FHIT: variants seen among roughly 807,000 people sequenced by gnomAD.
The protein encoded by FHIT is fragile histidine triad diadenosine triphosphatase, also known as bis(5'-adenosyl)-triphosphatase.
In FHIT, 19 loss-of-function variants were observed where a neutral mutation model predicts 17.9. That is an observed-to-expected ratio of 1.06 (90% CI 0.74 to 1.56). FHIT has a LOEUF of 1.56. FHIT is among the 40% of genes most tolerant of loss of function. The probability of loss-of-function intolerance (pLI) is 0.00; values close to 1 mark genes in which losing one functional copy is unlikely to be tolerated. For missense variants in FHIT, 248 were observed against 189.2 expected, an observed-to-expected ratio of 1.31 and a Z score of -1.82; for synonymous variants, 81 against 69.7, an observed-to-expected ratio of 1.16 and a Z score of -0.81.
intron 4 of FHIT, among the ~76,000 whole-genome samples, chr3:60,725,876 G>A (rs942851663): frequency 2.0e-5 from 3 of 151,994 alleles, no homozygotes; most frequent in Non-Finnish European, 2.9e-5. Context: ...CCAACACCAC[G>A]AGATAGGTAG....
chr3:61,219,610 A>G (rs1299121163), intron 1 of FHIT, among the ~76,000 whole-genome samples: 1 of 152,156 alleles, frequency 6.6e-6, no homozygotes, highest in African/African-American at 2.4e-5. Flanking sequence ...TTTGTTCTAG[A>G]GCAGACAAAC....
intron 8 of FHIT, among the ~76,000 whole-genome samples, chr3:59,910,745 G>A (rs1704831694): frequency 6.6e-6 from 1 of 152,214 alleles, no homozygotes; most frequent in Non-Finnish European, 1.5e-5. Flanking sequence ...CCATACATCA[G>A]TAGGCAGGTA....
At chr3:60,474,705 C>A (rs111610124) in intron 5 of FHIT, among the ~76,000 whole-genome samples, 5,787 of 151,800 alleles carry the variant, frequency 0.038, 358 homozygotes, top group African/African-American at 0.13. Context: ...CTCACCACAA[C>A]CTCTGCCTCC....
At chr3:60,489,804 A>G (rs1266205312) in intron 5 of FHIT, among the ~76,000 whole-genome samples, 2 of 152,000 alleles carry the variant, frequency 1.3e-5, no homozygotes, top group Admixed American at 1.3e-4. Context: ...GCCTGTTTTC[A>G]TAGCCAAAAG....
chr3:59,781,966 C>G (rs1356762373), intron 8 of FHIT, among the ~76,000 whole-genome samples: 1 of 152,158 alleles, frequency 6.6e-6, no homozygotes, highest in African/African-American at 2.4e-5. Flanking sequence ...TTGCATTTGT[C>G]TAAAATCTAG....
chr3:60,061,350 A>C (rs17061972), intron 5 of FHIT, among the ~76,000 whole-genome samples: 9,508 of 151,102 alleles, frequency 0.063, 332 homozygotes, highest in South Asian at 0.093. Context: ...TCTTTAAAAA[A>C]CTCCCTCCAG....
intron 2 of FHIT, among the ~76,000 whole-genome samples, chr3:61,085,395 C>T (rs2106791175): frequency 6.6e-6 from 1 of 152,150 alleles, no homozygotes; most frequent in South Asian, 2.1e-4. Context: ...CTATTCCTCT[C>T]CTTTAAATTT....
intron 2 of FHIT, among the ~76,000 whole-genome samples, chr3:61,073,635 C>CA (rs2106748813): frequency 6.6e-6 from 1 of 152,308 alleles, no homozygotes; most frequent in East Asian, 1.9e-4. Flanking sequence ...CGTGAGTATT[C>CA]AAGCTTTAGG....
chr3:61,102,261 T>A (rs1559983380), intron 2 of FHIT, among the ~76,000 whole-genome samples: 1 of 152,242 alleles, frequency 6.6e-6, no homozygotes, highest in South Asian at 2.1e-4. Flanking sequence ...GTTTTTAGCA[T>A]GAAGGGCTGT....
chr3:60,380,289 C>G lies in FHIT; in HGVS notation c.103+156571G>C, dbSNP rs1277810761. Among the ~76,000 whole-genome samples the G allele has an allele frequency of 2.0e-5, 3 of 152,286 alleles. No homozygotes were observed. The East Asian group carries it at 5.8e-4, about 29-fold the overall frequency. On this transcript the variant is annotated intron_variant, in intron 5 of 9. Coordinates refer to ENST00000492590, the MANE Select transcript of FHIT (RefSeq NM_002012.4). Reference sequence around the variant, plus strand: ...GTTTAAAGAAGCTTGTCCCTTGTCACTCTCACTGCCTCTTGCCATGGGATC... The same window carrying G: ...GTTTAAAGAAGCTTGTCCCTTGTCAGTCTCACTGCCTCTTGCCATGGGATC...
At chr3:60,131,194 T>C (rs1217570465) in intron 5 of FHIT, among the ~76,000 whole-genome samples, 2 of 151,686 alleles carry the variant, frequency 1.3e-5, no homozygotes, top group Non-Finnish European at 2.9e-5. Context: ...AATGGTATAG[T>C]ATTTGCATAT....
At chr3:59,759,151 C>A (rs1460290142) in intron 8 of FHIT, among the ~76,000 whole-genome samples, 5 of 151,680 alleles carry the variant, frequency 3.3e-5, no homozygotes, top group African/African-American at 1.2e-4. Context: ...AAGTGCAGAC[C>A]TTCAAGGAAG....
rs143653442 is a variant in FHIT, at chr3:59,887,380, G to C, written c.348+34966C>G. ...TTGTGGTGAGGACTAGAAAGTTTCAGAACATTGCCCTTTTAAACTCATCTT... is the reference window on the plus strand; with the variant it reads ...TTGTGGTGAGGACTAGAAAGTTTCACAACATTGCCCTTTTAAACTCATCTT... On this transcript the variant is annotated intron_variant, in intron 8 of 9. Coordinates refer to ENST00000492590, the MANE Select transcript of FHIT (RefSeq NM_002012.4). Among the ~76,000 whole-genome samples the C allele has an allele frequency of 3.9e-3, 600 of 152,278 alleles. 3 individuals are homozygous for C. The highest frequency in any genetic ancestry group is 6.7e-3 in the Non-Finnish European group (459 of 68,018).
intron 4 of FHIT, among the ~76,000 whole-genome samples, chr3:60,726,133 C>T (rs541424550): frequency 6.6e-6 from 1 of 152,254 alleles, no homozygotes; most frequent in Non-Finnish European, 1.5e-5. Flanking sequence ...CAGTTCTGAT[C>T]AAGTTGCTGA....
chr3:60,038,759 T>C (rs979389728), intron 5 of FHIT, among the ~76,000 whole-genome samples: 4 of 151,946 alleles, frequency 2.6e-5, no homozygotes, highest in African/African-American at 9.7e-5. Flanking sequence ...GAAAAGAAAA[T>C]TAACATTCAT....
chr3:61,107,969 T>G (rs1304655734), intron 2 of FHIT, among the ~76,000 whole-genome samples: 1 of 152,200 alleles, frequency 6.6e-6, no homozygotes, highest in Non-Finnish European at 1.5e-5. Context: ...CTCCGCTTGT[T>G]ATAGTTCACG....
At position 60,442,326 on chromosome 3, in the gene FHIT, A is replaced by G. The variant is rs184999826; in HGVS notation, c.103+94534T>C. Among the ~76,000 whole-genome samples the G allele has an allele frequency of 2.0e-4, 30 of 152,232 alleles. No homozygotes were observed. In the East Asian group the frequency reaches 5.8e-3, roughly 30 times the overall value. ...ACTTCTGGTGGTGGGAAGATGGTCT[A>G]TAGAAAAGAAAAACTCCCCCCATGC... On this transcript the variant is annotated intron_variant, in intron 5 of 9. Transcript: ENST00000492590.
intron 5 of FHIT, among the ~76,000 whole-genome samples, chr3:60,481,569 C>G (rs1324577242): frequency 6.6e-6 from 1 of 152,108 alleles, no homozygotes; most frequent in Non-Finnish European, 1.5e-5. Flanking sequence ...CATATCCAGC[C>G]AAACTAAACT....
chr3:61,099,359 A>C (rs145611534), intron 2 of FHIT, among the ~76,000 whole-genome samples: 1 of 151,792 alleles, frequency 6.6e-6, no homozygotes, highest in East Asian at 1.9e-4. Context: ...AATATTCATC[A>C]AGGATATTGG....
Sources: gnomAD v4.1 joint callset for allele counts (sites outside exome capture counted in the v4.1 genomes callset) on GRCh38, gnomAD v4.1.1 for gene constraint, MANE v1.5 for transcripts, NCBI Gene and HGNC (gene_info 2026-07-23, HGNC 2026-07-21) for gene names.